Variants in CD40 observed in about 807,000 individuals in gnomAD.
The protein encoded by CD40 is tumor necrosis factor receptor superfamily member 5.
Under a neutral mutation model 38.5 loss-of-function variants are expected in CD40, and 19 were observed. The observed-to-expected ratio is 0.49, with a 90% CI of 0.34 to 0.72. The LOEUF is 0.72. CD40 is among the 30% of genes least tolerant of loss of function. CD40 has a pLI of 0.01. For missense variants in CD40, 256 were observed against 344.1 expected (o/e 0.74, Z 2.03); for synonymous variants, 130 against 128.7 (o/e 1.01, Z -0.07).
chr20:46,128,304 CTTTTTTTTTTT>C lies in CD40; in HGVS notation c.647-13_647-3del. 5 of 1,439,752 alleles carry C rather than the reference CTTTTTTTTTTT, an allele frequency of 3.5e-6. No individual in the cohort carries two copies. The highest frequency in any genetic ancestry group is 4.6e-6 in the Non-Finnish European group (5 of 1,085,348). 89.2% of individuals were successfully genotyped at this position (1,439,752 alleles called of 1,614,324 possible). ...TATCTGGCCTCTCCAACTCCCCATC[CTTTTTTTTTTT>C]TTTTTTTTTTTTAGAAAAGGTGGCC... is the stretch of plus-strand genomic sequence containing the variant. On this transcript the variant is annotated splice_polypyrimidine_tract_variant and intron_variant, in intron 7 of 8. Transcript: ENST00000372285.
intron 1 of CD40, 35 bp downstream of exon 1, chr20:46,118,429 G>T: frequency 6.2e-7 from 1 of 1,609,020 alleles, no homozygotes; most frequent in African/African-American, 1.3e-5. Context: ...ACGGGAGTTG[G>T]GAGTGGGGAA....
At position 46,122,140 on chromosome 20, in the gene CD40, C is replaced by T. The variant is rs569971779; in HGVS notation, c.131-93C>T. The T allele has an allele frequency of 2.0e-5, 29 of 1,485,106 alleles. No homozygotes were observed. The highest frequency in any genetic ancestry group is 3.4e-4 in the Middle Eastern group (2 of 5,808). The allele number at this position is 1,485,106 out of a possible 1,614,324, so 92.0% of individuals were successfully genotyped here. A position where few individuals can be genotyped will look rare whatever the true frequency, so the allele number is the denominator to read the frequency against. On this transcript the variant is annotated intron_variant, in intron 2 of 8. Transcript: ENST00000372285. The surrounding 1 kb of genome is among the most constrained non-coding windows in gnomAD (Gnocchi z 5.0). ...GGATCCAAGACTTTCATCTTTGAAT[C>T]CCCTACCCTAAAGCCTGGCCTGATC...
intron 5 of CD40, 103 bp downstream of exon 5, chr20:46,123,322 A>T (rs1723183695): frequency 1.1e-6 from 1 of 896,394 alleles, no homozygotes; most frequent in Admixed American, 1.7e-5. Context: ...AGGTCCACAC[A>T]CACTCATGTA....
chr20:46,123,407 T>C (rs1345048163), intron 5 of CD40, among the ~76,000 whole-genome samples, 188 bp downstream of exon 5: 1 of 152,232 alleles, frequency 6.6e-6, no homozygotes, highest in Non-Finnish European at 1.5e-5. Flanking sequence ...GCCTGCTGTC[T>C]CTTTGAGGTA....
At chr20:46,119,928 G>T (rs548674242) in intron 1 of CD40, among the ~76,000 whole-genome samples, 1 of 152,166 alleles carries the variant, frequency 6.6e-6, no homozygotes, top group Non-Finnish European at 1.5e-5. Flanking sequence ...ACTTTTAGGG[G>T]AGCGTTTTAT....
intron 1 of CD40, among the ~76,000 whole-genome samples, chr20:46,119,285 T>G (rs1252201295): frequency 6.6e-6 from 1 of 152,202 alleles, no homozygotes; most frequent in African/African-American, 2.4e-5. Context: ...GGCCTCCCCC[T>G]ACTTTAGAGG....
chr20:46,119,251 T>C (rs1035754655), intron 1 of CD40, among the ~76,000 whole-genome samples: 1 of 152,236 alleles, frequency 6.6e-6, no homozygotes, highest in Non-Finnish European at 1.5e-5. Flanking sequence ...CCCAAGTACC[T>C]GGCTCCTTCA....
Position 46,118,389 on chromosome 20 carries a change from A to C in CD40, c.46A>C (p.Thr16Pro). ...GTGCGTCCTCTGGGGCTGCTTGCTG[A>C]CCGCTGTGAGTTGTTTTTGCCCCGA... ...LQCVLWGCLL[T>P]AVHPEPPTAC... Residue 16 changes from threonine (T) to proline (P), a missense_variant, in exon 1 of 9, where the codon ACC becomes CCC. Thr to Pro is a conservative substitution (Grantham distance 38). Transcript: ENST00000372285. The C allele has an allele frequency of 6.2e-7, 1 of 1,613,352 alleles. No homozygotes were observed. Among genetic ancestry groups the C allele is most frequent in the Non-Finnish European group, 8.5e-7 (1 of 1,179,686 alleles).
Position 46,121,891 on chromosome 20 carries a change from C to T in CD40, c.123C>T (p.Cys41=), listed in dbSNP as rs751549823. The T allele has an allele frequency of 4.3e-6, 7 of 1,613,374 alleles. No homozygotes were observed. The Admixed American group carries it at 1.2e-4, about 27-fold the overall frequency. ...YLINSQCCSL[C]QPGQKLVSDC... The stretch of plus-strand genomic sequence containing the variant: ...TAAACAGTCAGTGCTGTTCTTTGTG[C>T]CAGCCAGGTGAGATGCCAACCCTCT... The change falls in exon 2 of 9, where the codon TGC becomes TGT. Residue 41 remains cysteine, a synonymous_variant. Coordinates refer to ENST00000372285, the MANE Select transcript of CD40 (RefSeq NM_001250.6).
intron 6 of CD40, 98 bp from the exon 7 acceptor site, chr20:46,128,040 T>C (rs1163050471): frequency 6.2e-7 from 1 of 1,607,936 alleles, no homozygotes; most frequent in Non-Finnish European, 8.5e-7. Flanking sequence ...AGATGAGCTC[T>C]GACATTGGAA....
At chr20:46,126,234 T>C (rs1392214251) in intron 5 of CD40, among the ~76,000 whole-genome samples, 2 of 97,292 alleles carry the variant, frequency 2.1e-5, no homozygotes, top group Non-Finnish European at 3.8e-5. Flanking sequence ...CAGTAAATAA[T>C]GATCCAGCCC....
At position 46,129,321 on chromosome 20, in the gene CD40, G is replaced by T. The variant is rs1052340852; in HGVS notation, c.*281G>T. On this transcript the variant is annotated 3_prime_UTR_variant, in exon 9 of 9. Transcript: ENST00000372285. ...TTGGTGGTGGTGGTGTTGGGGTATG[G>T]TTTAGTAATATCCACCAGACCTTCC... 1.5e-5 allele frequency: 7 copies of T among 454,960 alleles called. No individual in the cohort carries two copies. Among genetic ancestry groups the T allele is most frequent in the Non-Finnish European group, 2.5e-5 (6 of 243,862 alleles). 28.2% of individuals were successfully genotyped at this position (454,960 alleles called of 1,614,324 possible).
At chr20:46,124,765 T>TTG (rs1302516305) in intron 5 of CD40, among the ~76,000 whole-genome samples, 9 of 105,126 alleles carry the variant, frequency 8.6e-5, no homozygotes, top group African/African-American at 3.0e-4. Flanking sequence ...TTTTTTTTTT[T>TTG]TTTTTTTTTT....
intron 8 of CD40, 53 bp downstream of exon 8, chr20:46,128,411 C>T (rs779297695): frequency 3.8e-6 from 6 of 1,591,930 alleles, no homozygotes; most frequent in Non-Finnish European, 5.2e-6. Context: ...GGGAAGATGG[C>T]CTCACGGTTG....
At chr20:46,126,755 G>T (rs1261443784) in intron 6 of CD40, 54 bp downstream of exon 6, 5 of 1,613,744 alleles carry the variant, frequency 3.1e-6, no homozygotes, top group Non-Finnish European at 4.2e-6. Context: ...GGAACTGAAG[G>T]GGGAGATGAG....
chr20:46,123,010 G>A, intron 4 of CD40, 116 bp from the exon 5 acceptor site: 1 of 944,608 alleles, frequency 1.1e-6, no homozygotes, highest in Admixed American at 1.8e-5. Flanking sequence ...TACCACATCG[G>A]GGGAAGAGTG....
chr20:46,128,610 C>G (rs200195817), intron 8 of CD40: 7 of 698,712 alleles, frequency 1.0e-5, no homozygotes, highest in Middle Eastern at 2.3e-4. Context: ...GCATTCAACG[C>G]GTGGGGAGCT....
In CD40 at chr20:46,118,360, T is replaced by C; in HGVS notation, c.17T>C (p.Leu6Pro). 1 of 1,614,114 alleles carries C rather than the reference T, an allele frequency of 6.2e-7. No individual in the cohort carries two copies. Among genetic ancestry groups the C allele is most frequent in the South Asian group, 1.1e-5 (1 of 91,084 alleles). MVRLP[L>P]QCVLWGCLLT... ...CACCTCGCTATGGTTCGTCTGCCTC[T>C]GCAGTGCGTCCTCTGGGGCTGCTTG... The change falls in exon 1 of 9, where the codon CTG (leucine) becomes CCG (proline). Residue 6 changes from leucine to proline, a missense_variant. Leu to Pro is a moderately conservative substitution (Grantham distance 98). Coordinates refer to ENST00000372285, the MANE Select transcript of CD40 (RefSeq NM_001250.6).
chr20:46,122,280 C>T lies in CD40; in HGVS notation c.178C>T (p.Leu60Phe). Residue 60 changes from leucine to phenylalanine, a missense_variant, in exon 3 of 9, where the codon CTT (leucine) becomes TTT (phenylalanine). Coordinates refer to ENST00000372285, the MANE Select transcript of CD40 (RefSeq NM_001250.6). This position sits in a 1 kb window ranked among gnomAD's most constrained non-coding sequence, Gnocchi z 5.0. ...CACAGAGTTCACTGAAACGGAATGC[C>T]TTCCTTGCGGTGAAAGCGAATTCCT... ...DCTEFTETECLPCGESEFLDT... is the reference protein window; with the variant it reads ...DCTEFTETECFPCGESEFLDT... 1.9e-6 allele frequency: 3 copies of T among 1,614,138 alleles called. No individual in the cohort carries two copies. The highest frequency in any genetic ancestry group is 2.5e-6 in the Non-Finnish European group (3 of 1,179,988).
Sources: gnomAD v4.1 joint callset for allele counts (sites outside exome capture counted in the v4.1 genomes callset) on GRCh38, gnomAD v4.1.1 for gene constraint, Gnocchi (gnomAD v3.1) non-coding constraint, MANE v1.5 for transcripts, NCBI Gene and HGNC (gene_info 2026-07-23, HGNC 2026-07-21) for gene names.